Variants in FRRS1 observed in about 807,000 individuals in gnomAD.
FRRS1 encodes ferric reductase 1.
Under a neutral mutation model 70.7 loss-of-function variants are expected in FRRS1, and 51 were observed. That is an observed-to-expected ratio of 0.72 (90% CI 0.58 to 0.91). The LOEUF is 0.91. Among genes scored for constraint, FRRS1 ranks in the 40% least tolerant of loss-of-function variants. The probability of loss-of-function intolerance (pLI) is 0.00; values close to 1 mark genes in which losing one functional copy is unlikely to be tolerated. For missense variants in FRRS1, 672 were observed against 726.0 expected, an observed-to-expected ratio of 0.93 and a Z score of 0.86; for synonymous variants, 225 against 238.7, an observed-to-expected ratio of 0.94 and a Z score of 0.53.
At chr1:99,735,737 C>T (rs1655622450) in intron 7 of FRRS1, among the ~76,000 whole-genome samples, 1 of 152,124 alleles carries the variant, frequency 6.6e-6, no homozygotes, top group African/African-American at 2.4e-5. Flanking sequence ...ATAAATATAT[C>T]TTGAATTAGA....
chr1:99,705,282 G>A lies in FRRS1; in HGVS notation c.*3746C>T, dbSNP rs1462442162. 6.6e-6 allele frequency among the ~76,000 whole-genome samples: 1 copy of A among 152,234 alleles called. No individual in the cohort carries two copies. Among genetic ancestry groups the A allele is most frequent in the Non-Finnish European group, 1.5e-5 (1 of 68,046 alleles). On this transcript the variant is annotated 3_prime_UTR_variant, in exon 17 of 17. Coordinates refer to ENST00000646001, the MANE Select transcript of FRRS1 (RefSeq NM_001361041.2). Reference sequence around the variant, plus strand: ...AACATTTCCCGTTTCACTGAGAAGGGCATTCCAGGCTGGTAACCATCTGTG... The same window carrying A: ...AACATTTCCCGTTTCACTGAGAAGGACATTCCAGGCTGGTAACCATCTGTG...
At chr1:99,722,452 A>G (rs191512135) in intron 9 of FRRS1, among the ~76,000 whole-genome samples, 58 of 152,342 alleles carry the variant, frequency 3.8e-4, no homozygotes, top group African/African-American at 1.4e-3. Flanking sequence ...AAAATCACTT[A>G]TGAATATAGA....
At chr1:99,728,357 C>A in intron 9 of FRRS1, 136 bp downstream of exon 9, 2 of 748,682 alleles carry the variant, frequency 2.7e-6, no homozygotes, top group South Asian at 2.0e-5. Flanking sequence ...TATCCAGTTT[C>A]TGGCAAAATT....
chr1:99,748,931 C>T lies in FRRS1; in HGVS notation c.-35G>A, dbSNP rs1416236. On this transcript the variant is annotated 5_prime_UTR_variant, in exon 2 of 17. Coordinates refer to ENST00000646001, the MANE Select transcript of FRRS1 (RefSeq NM_001361041.2). The stretch of plus-strand genomic sequence containing the variant: ...AGAATGTGATATGTGAAGTTTCACC[C>T]GAATTTCAATCTCAGCTCTACAAAT... The T allele has an allele frequency of 0.4, 209,531 of 525,668 alleles. 49,242 individuals carry two copies. The highest frequency in any genetic ancestry group is 0.85 in the African/African-American group (44,019 of 51,930). 32.6% of individuals were successfully genotyped at this position (525,668 alleles called of 1,614,324 possible). A position where few individuals can be genotyped will look rare whatever the true frequency, so the allele number is the denominator to read the frequency against.
At chr1:99,744,794 T>A (rs1190255565) in intron 4 of FRRS1, among the ~76,000 whole-genome samples, 2 of 145,574 alleles carry the variant, frequency 1.4e-5, no homozygotes, top group Admixed American at 6.8e-5. Flanking sequence ...CCAAAAATAA[T>A]AACAATAATA....
chr1:99,719,522 C>T lies in FRRS1; in HGVS notation c.1120+12G>A, dbSNP rs1309918649. The T allele has an allele frequency of 1.5e-6, 2 of 1,371,192 alleles. No individual in the cohort carries two copies. The highest frequency in any genetic ancestry group is 1.7e-5 in the Admixed American group (1 of 59,378). The allele number at this position is 1,371,192 out of a possible 1,614,324, so 84.9% of individuals were successfully genotyped here. A position where few individuals can be genotyped will look rare whatever the true frequency, so the allele number is the denominator to read the frequency against. On this transcript the variant is annotated intron_variant, in intron 10 of 16. Coordinates refer to ENST00000646001, the MANE Select transcript of FRRS1 (RefSeq NM_001361041.2). Reference sequence around the variant, plus strand: ...AAGTTGATTCCACAAAGTAGTTACACATGTAACCTACCATGAACCTTCAGA... The same window carrying T: ...AAGTTGATTCCACAAAGTAGTTACATATGTAACCTACCATGAACCTTCAGA...
At position 99,710,171 on chromosome 1, in the gene FRRS1, C is replaced by T. The variant is rs1012838355; in HGVS notation, c.1624+635G>A. Among the ~76,000 whole-genome samples, 8 of 152,182 alleles carry T rather than the reference C, an allele frequency of 5.3e-5. 1 individual carries two copies. The South Asian group carries it at 8.3e-4, about 16-fold the overall frequency. On this transcript the variant is annotated intron_variant, in intron 15 of 16. Coordinates refer to ENST00000646001, the MANE Select transcript of FRRS1 (RefSeq NM_001361041.2). ...TTTTGTTTTTAGAAGGCCACCTTCACTTATTTTGGTGGATGAAAACCAGGC... is the reference window on the plus strand; with the variant it reads ...TTTTGTTTTTAGAAGGCCACCTTCATTTATTTTGGTGGATGAAAACCAGGC...
In FRRS1 at chr1:99,708,759, T is replaced by A. The variant is rs1654137285; in HGVS notation, c.*269A>T. 3.6e-6 allele frequency: 2 copies of A among 557,256 alleles called. No individual in the cohort carries two copies. Among genetic ancestry groups the A allele is most frequent in the Non-Finnish European group, 6.2e-6 (2 of 320,700 alleles). The allele number at this position is 557,256 out of a possible 1,614,324, so 34.5% of individuals were successfully genotyped here. ...TACCAACATTCTTAAAATCTTGGCA[T>A]GAAATATTTGAGAGTTACTTCTCCT... On this transcript the variant is annotated 3_prime_UTR_variant, in exon 17 of 17. Transcript: ENST00000646001.
intron 6 of FRRS1, among the ~76,000 whole-genome samples, chr1:99,738,625 T>C (rs1004120799): frequency 1.3e-5 from 2 of 152,332 alleles, no homozygotes; most frequent in Admixed American, 6.5e-5. Context: ...TTTGAGTTAA[T>C]ATTTCAGTCC....
chr1:99,735,541 A>G (rs1259723908), intron 7 of FRRS1, among the ~76,000 whole-genome samples: 5 of 152,204 alleles, frequency 3.3e-5, no homozygotes, highest in African/African-American at 4.8e-5. Flanking sequence ...CAAAAATAGA[A>G]ATAACCACTT....
chr1:99,761,957 G>A (rs925539896), intron 1 of FRRS1, among the ~76,000 whole-genome samples: 2 of 152,174 alleles, frequency 1.3e-5, no homozygotes, highest in African/African-American at 4.8e-5. Context: ...GAACAACCTA[G>A]GGAACTATGG....
At chr1:99,726,670 AC>A (rs2100932736) in intron 9 of FRRS1, among the ~76,000 whole-genome samples, 1 of 152,340 alleles carries the variant, frequency 6.6e-6, no homozygotes, top group South Asian at 2.1e-4. Flanking sequence ...CAAATACTTG[AC>A]CTTTTCCTCA....
chr1:99,766,435 C>G (rs1456099839), intron 1 of FRRS1, among the ~76,000 whole-genome samples, 172 bp downstream of exon 1: 6 of 152,170 alleles, frequency 3.9e-5, no homozygotes, highest in Non-Finnish European at 8.8e-5. Flanking sequence ...AGTGAACACT[C>G]ATTAGCTCAA....
intron 7 of FRRS1, among the ~76,000 whole-genome samples, chr1:99,736,043 G>A (rs1174080993): frequency 1.3e-5 from 2 of 152,046 alleles, no homozygotes; most frequent in African/African-American, 4.8e-5. Context: ...AATCCTTTTT[G>A]GACTCATTTT....
chr1:99,729,919 G>A (rs537029689), intron 7 of FRRS1, among the ~76,000 whole-genome samples, 171 bp from the exon 8 acceptor site: 8 of 152,216 alleles, frequency 5.3e-5, no homozygotes, highest in African/African-American at 1.2e-4. Context: ...TCTGATTTGC[G>A]AATAGCAAAT....
At chr1:99,718,831 T>A (rs1021024823) in intron 10 of FRRS1, among the ~76,000 whole-genome samples, 1 of 152,190 alleles carries the variant, frequency 6.6e-6, no homozygotes, top group African/African-American at 2.4e-5. Flanking sequence ...TTTATTAGCA[T>A]TTATTTTAAT....
rs760044688 is a variant in FRRS1 at position 99,704,613 on chromosome 1, G to A, written c.*4415C>T. On this transcript the variant is annotated 3_prime_UTR_variant, in exon 17 of 17. Transcript: ENST00000646001. ...TCCTAAGACCACCCTGGCTCACCACGCCCCCATCCTGTGCCTATAAAAACC... is the reference window on the plus strand; with the variant it reads ...TCCTAAGACCACCCTGGCTCACCACACCCCCATCCTGTGCCTATAAAAACC... Among the ~76,000 whole-genome samples the A allele has an allele frequency of 2.6e-5, 4 of 152,030 alleles. No homozygotes were observed. The highest frequency in any genetic ancestry group is 5.9e-5 in the Non-Finnish European group (4 of 67,990).
At chr1:99,753,528 G>A (rs1346844976) in intron 1 of FRRS1, among the ~76,000 whole-genome samples, 1 of 152,118 alleles carries the variant, frequency 6.6e-6, no homozygotes, top group Non-Finnish European at 1.5e-5. Flanking sequence ...AACACTTCGG[G>A]AGGCTGAGGC....
chr1:99,756,830 T>C (rs1656859172), intron 1 of FRRS1, among the ~76,000 whole-genome samples: 1 of 152,160 alleles, frequency 6.6e-6, no homozygotes, highest in African/African-American at 2.4e-5. Context: ...TTGTTAGTCA[T>C]TTATTTTAAA....
Sources: allele counts gnomAD v4.1 joint callset (sites outside exome capture counted in the v4.1 genomes callset), GRCh38; gene constraint gnomAD v4.1.1; transcripts MANE v1.5; gene names NCBI Gene and HGNC (gene_info 2026-07-23, HGNC 2026-07-21).